PDE4D: variants seen among roughly 807,000 people sequenced by gnomAD.
PDE4D encodes 3',5'-cyclic-AMP phosphodiesterase 4D.
Under a neutral mutation model 87.4 loss-of-function variants are expected in PDE4D, and 24 were observed. The observed-to-expected ratio is 0.27, with a 90% CI of 0.20 to 0.39. The LOEUF (loss-of-function observed/expected upper bound fraction) is 0.39, where lower values mean the gene tolerates loss of function less well. Among genes scored for constraint, PDE4D ranks in the 10% least tolerant of loss-of-function variants. The pLI is 1.00. For missense variants in PDE4D, 714 were observed against 1,041.0 expected (o/e 0.69, Z 4.32); for synonymous variants, 384 against 383.2 (o/e 1.00, Z -0.02).
chr5:59,044,631 G>C (rs1295186144), intron 5 of PDE4D, among the ~76,000 whole-genome samples: 1 of 152,180 alleles, frequency 6.6e-6, no homozygotes, highest in Non-Finnish European at 1.5e-5. Context: ...ATACATGAAG[G>C]CTTTGGATTC....
chr5:60,432,563 A>G (rs1744435843), intron 1 of PDE4D, among the ~76,000 whole-genome samples: 1 of 152,250 alleles, frequency 6.6e-6, no homozygotes, highest in African/African-American at 2.4e-5. Flanking sequence ...TTCTTTACAG[A>G]ACTAGAAAAA....
intron 1 of PDE4D, among the ~76,000 whole-genome samples, chr5:59,626,570 A>G (rs902738936): frequency 2.6e-5 from 4 of 152,228 alleles, no homozygotes; most frequent in African/African-American, 9.6e-5. Context: ...AAGCTTTTTT[A>G]TAACAGTGAG....
At chr5:58,998,321 T>C (rs1461631924) in intron 6 of PDE4D, among the ~76,000 whole-genome samples, 3 of 152,132 alleles carry the variant, frequency 2.0e-5, no homozygotes, top group Non-Finnish European at 2.9e-5. Context: ...ACAGTACAAA[T>C]GTGAAGCCCT....
At chr5:60,191,894 A>T (rs1785227341) in intron 1 of PDE4D, among the ~76,000 whole-genome samples, 1 of 152,004 alleles carries the variant, frequency 6.6e-6, no homozygotes, top group Non-Finnish European at 1.5e-5. Context: ...CAGCTACTCA[A>T]GAGGCTGAGG....
intron 1 of PDE4D, among the ~76,000 whole-genome samples, chr5:60,347,733 G>C (rs370619674): frequency 5.3e-5 from 8 of 152,234 alleles, no homozygotes; most frequent in African/African-American, 1.9e-4. Flanking sequence ...GATAGCTTCA[G>C]CCCACCTCTC....
At chr5:60,140,992 T>A (rs1780487056) in intron 2 of PDE4D, among the ~76,000 whole-genome samples, 1 of 152,198 alleles carries the variant, frequency 6.6e-6, no homozygotes, top group Admixed American at 6.5e-5. Context: ...CCTTGCGGGA[T>A]TAGAACCCAT....
chr5:59,137,195 T>C (rs1044249309), intron 5 of PDE4D, among the ~76,000 whole-genome samples: 1 of 152,212 alleles, frequency 6.6e-6, no homozygotes, highest in East Asian at 1.9e-4. Flanking sequence ...CCCTTGCACC[T>C]CTGTCCTTTG....
At chr5:59,575,145 T>C (rs1822918718) in intron 1 of PDE4D, among the ~76,000 whole-genome samples, 1 of 152,182 alleles carries the variant, frequency 6.6e-6, no homozygotes, top group Non-Finnish European at 1.5e-5. Context: ...TAGTACATTT[T>C]CTTGGCAAGT....
chr5:59,215,552 CGTGTGTGTGTGTGT>C (rs10693866), intron 2 of PDE4D: 36 of 364,212 alleles, frequency 9.9e-5, no homozygotes, highest in Middle Eastern at 7.6e-4. Flanking sequence ...TAAATACATG[CGTGTGTGTGTGTGT>C]GTGTGTGTGT....
chr5:60,500,781 G>T (rs73108695), intron 1 of PDE4D, among the ~76,000 whole-genome samples: 11,677 of 152,126 alleles, frequency 0.077, 1,283 homozygotes, highest in African/African-American at 0.25. Flanking sequence ...TTGCAGAGTT[G>T]ATGAGACTTA....
intron 1 of PDE4D, among the ~76,000 whole-genome samples, chr5:59,462,007 C>A (rs960996393): frequency 6.6e-6 from 1 of 152,092 alleles, no homozygotes; most frequent in Admixed American, 6.6e-5. Flanking sequence ...TGCAAACTCT[C>A]ATTCTTAAGA....
At position 59,893,666 on chromosome 5, in the gene PDE4D, C is replaced by G; in HGVS notation, c.-44G>C. 1 of 1,415,448 alleles carries G rather than the reference C, an allele frequency of 7.1e-7. No individual in the cohort carries two copies. The highest frequency in any genetic ancestry group is 1.5e-5 in the South Asian group (1 of 65,720). The allele number at this position is 1,415,448 out of a possible 1,614,324, so 87.7% of individuals were successfully genotyped here. A position where few individuals can be genotyped will look rare whatever the true frequency, so the allele number is the denominator to read the frequency against. ...GACCTGCTGCCCAGCCCGGGTTCAC[C>G]GCGCTGGCCCGAGCGCCTTCCTGAT... is the stretch of plus-strand genomic sequence containing the variant. On this transcript the variant is annotated 5_prime_UTR_variant, in exon 1 of 15. Coordinates refer to ENST00000340635, the MANE Select transcript of PDE4D (RefSeq NM_001104631.2).
At chr5:59,259,934 C>T (rs1761686576) in intron 1 of PDE4D, among the ~76,000 whole-genome samples, 2 of 151,784 alleles carry the variant, frequency 1.3e-5, no homozygotes, top group African/African-American at 4.8e-5. Context: ...AAATTAGAAA[C>T]TGTGAGGATT....
At chr5:59,273,607 G>A (rs1256693742) in intron 1 of PDE4D, among the ~76,000 whole-genome samples, 2 of 151,972 alleles carry the variant, frequency 1.3e-5, no homozygotes, top group East Asian at 3.9e-4. Flanking sequence ...GGTTTCTATA[G>A]TGTGTAGTTA....
Position 59,646,862 on chromosome 5 carries a change from T to C in PDE4D, c.455+246306A>G, listed in dbSNP as rs376807882. Among the ~76,000 whole-genome samples the C allele has an allele frequency of 4.5e-4, 69 of 152,150 alleles. 1 individual carries two copies. Among genetic ancestry groups the C allele is most frequent in the African/African-American group, 1.6e-3 (65 of 41,520 alleles). Reference sequence around the variant, plus strand: ...CATCCTGGCTAACATGGTGAAACCCTGTCTCTACTAAAACTACAAAAAATT... The same window carrying C: ...CATCCTGGCTAACATGGTGAAACCCCGTCTCTACTAAAACTACAAAAAATT... On this transcript the variant is annotated intron_variant, in intron 1 of 14. Transcript: ENST00000340635.
chr5:59,180,707 T>G, intron 4 of PDE4D, 63 bp from the exon 5 acceptor site: 1 of 1,416,836 alleles, frequency 7.1e-7, no homozygotes, highest in South Asian at 1.2e-5. Context: ...GATCACTCTC[T>G]GAGTCATTTC....
chr5:59,083,181 TG>T (rs756970275), intron 5 of PDE4D, among the ~76,000 whole-genome samples: 5 of 152,114 alleles, frequency 3.3e-5, no homozygotes, highest in Non-Finnish European at 7.4e-5. Flanking sequence ...TTTGAAACCT[TG>T]CCTAGTCTGC....
chr5:59,494,324 T>C (rs1241778916), intron 1 of PDE4D, among the ~76,000 whole-genome samples: 3 of 152,232 alleles, frequency 2.0e-5, no homozygotes, highest in Admixed American at 6.5e-5. Flanking sequence ...AGTATAATGA[T>C]GGATTGCAGG....
intron 2 of PDE4D, among the ~76,000 whole-genome samples, chr5:60,135,001 C>T (rs1203576675): frequency 1.3e-5 from 2 of 152,182 alleles, no homozygotes; most frequent in Admixed American, 6.5e-5. Flanking sequence ...CTCCTCCTCC[C>T]TGACGAAACT....
Sources: gnomAD v4.1 joint callset for allele counts (sites outside exome capture counted in the v4.1 genomes callset) on GRCh38, gnomAD v4.1.1 for gene constraint, MANE v1.5 for transcripts, NCBI Gene and HGNC (gene_info 2026-07-23, HGNC 2026-07-21) for gene names.